Variants in TEX14 observed in about 807,000 individuals in gnomAD.
TEX14 encodes inactive serine/threonine-protein kinase TEX14.
A neutral mutation model predicts 178.6 loss-of-function variants in TEX14; 168 were observed. The observed-to-expected ratio is 0.94, with a 90% CI of 0.83 to 1.07. The LOEUF (loss-of-function observed/expected upper bound fraction) is 1.07, where lower values mean the gene tolerates loss of function less well. Ranked by LOEUF, TEX14 falls within the 50% of genes least tolerant of loss-of-function variation. The pLI, the probability that TEX14 is intolerant of heterozygous loss-of-function variation, is 0.00. For missense variants in TEX14, 1,730 were observed against 1,753.6 expected (o/e 0.99, Z 0.24); for synonymous variants, 626 against 634.1 (o/e 0.99, Z 0.19).
At chr17:58,622,458 C>T (rs1831100460) in intron 4 of TEX14, among the ~76,000 whole-genome samples, 2 of 151,814 alleles carry the variant, frequency 1.3e-5, no homozygotes, top group African/African-American at 2.4e-5. Flanking sequence ...AAAAAATTCC[C>T]ACCTGCCAAA....
intron 2 of TEX14, among the ~76,000 whole-genome samples, chr17:58,648,293 C>T (rs1217871083): frequency 6.6e-6 from 1 of 152,198 alleles, no homozygotes; most frequent in African/African-American, 2.4e-5. Flanking sequence ...CTCTCTTCTG[C>T]TGACTTCTTG....
intron 17 of TEX14, 92 bp downstream of exon 17, chr17:58,587,489 C>A: frequency 2.6e-6 from 2 of 774,450 alleles, no homozygotes; most frequent in Non-Finnish European, 4.1e-6. Flanking sequence ...TCTAAATGTG[C>A]AACACAGGTT....
At chr17:58,625,038 C>T (rs2046102047) in intron 3 of TEX14, among the ~76,000 whole-genome samples, 2 of 152,214 alleles carry the variant, frequency 1.3e-5, no homozygotes, top group African/African-American at 4.8e-5. Flanking sequence ...GAGAAGCAGT[C>T]CAGCACACTG....
chr17:58,569,776 G>A lies in TEX14; in HGVS notation c.3818-516C>T, dbSNP rs1158200505. 6.6e-6 allele frequency among the ~76,000 whole-genome samples: 1 copy of A among 152,102 alleles called. No individual in the cohort carries two copies. The highest frequency in any genetic ancestry group is 1.5e-5 in the Non-Finnish European group (1 of 68,032). On this transcript the variant is annotated intron_variant, in intron 25 of 31. Transcript: ENST00000349033. This position sits in a 1 kb window ranked among gnomAD's most constrained non-coding sequence, Gnocchi z 4.1. ...TTCACAAAATCCCTATCCCCCTGAGGGAAATTCCAAGAGTTATACCAAAGA... is the reference window on the plus strand; with the variant it reads ...TTCACAAAATCCCTATCCCCCTGAGAGAAATTCCAAGAGTTATACCAAAGA...
At chr17:58,683,072 AAAG>A (rs2047527899) in intron 1 of TEX14, among the ~76,000 whole-genome samples, 1 of 151,304 alleles carries the variant, frequency 6.6e-6, no homozygotes, top group Non-Finnish European at 1.5e-5. Flanking sequence ...AAAAAAAAAA[AAAG>A]ACAAAAATGA....
chr17:58,625,903 G>C (rs1046248775), intron 3 of TEX14, among the ~76,000 whole-genome samples: 3 of 151,712 alleles, frequency 2.0e-5, no homozygotes, highest in African/African-American at 7.3e-5. Flanking sequence ...ACCATGGCTG[G>C]CTAATTTTTT....
intron 28 of TEX14, 58 bp downstream of exon 28, chr17:58,564,811 C>A (rs982308249): frequency 2.2e-5 from 24 of 1,077,760 alleles, no homozygotes; most frequent in African/African-American, 6.6e-5. Context: ...TAGAAAAAAA[C>A]CTAACATAAA....
In TEX14 at chr17:58,586,803, G is replaced by A. The variant is rs80266322; in HGVS notation, c.2789-721C>T. Among the ~76,000 whole-genome samples the A allele has an allele frequency of 6.6e-5, 10 of 151,404 alleles. No individual in the cohort carries two copies. In the East Asian group the frequency reaches 1.6e-3, roughly 23 times the overall value. On this transcript the variant is annotated intron_variant, in intron 17 of 31. Transcript: ENST00000349033. ...TGTGTGGCACTTGCATGTTCTCCCCGCATCTGCATGGGTTTTTTCCAGGTA... is the reference window on the plus strand; with the variant it reads ...TGTGTGGCACTTGCATGTTCTCCCCACATCTGCATGGGTTTTTTCCAGGTA...
Position 58,651,897 on chromosome 17 carries a change from G to A in TEX14, c.105C>T (p.Asn35=), listed in dbSNP as rs374879612. 24 of 1,610,402 alleles carry A rather than the reference G, an allele frequency of 1.5e-5. No homozygotes were observed. The highest frequency in any genetic ancestry group is 1.9e-5 in the Non-Finnish European group (22 of 1,179,180). The change falls in exon 2 of 32, where the codon AAC becomes AAT. Residue 35 remains asparagine (N), a synonymous_variant. Transcript: ENST00000349033. ...AQLHEYVKQG[N]YVKVKKILKK... is the part of the protein sequence containing the mutation. Reference sequence around the variant, plus strand: ...TAAGAATTTTCTTCACTTTCACATAGTTCCCTTGTTTGACATACTCATGAA... The same window carrying A: ...TAAGAATTTTCTTCACTTTCACATAATTCCCTTGTTTGACATACTCATGAA...
Position 58,630,559 on chromosome 17 carries a change from A to G in TEX14, c.137-5T>C. Reference sequence around the variant, plus strand: ...TAACTGCATCAACATAAATTCCTGCAAAGGAAATATCAGAATCAATGCAAA... The same window carrying G: ...TAACTGCATCAACATAAATTCCTGCGAAGGAAATATCAGAATCAATGCAAA... On this transcript the variant is annotated splice_polypyrimidine_tract_variant and splice_region_variant and intron_variant, in intron 2 of 31. Coordinates refer to ENST00000349033, the MANE Select transcript of TEX14 (RefSeq NM_031272.5). 1 of 1,600,544 alleles carries G rather than the reference A, an allele frequency of 6.2e-7. No homozygotes were observed. Among genetic ancestry groups the G allele is most frequent in the Non-Finnish European group, 8.6e-7 (1 of 1,167,740 alleles).
chr17:58,622,924 C>T lies in TEX14; in HGVS notation c.340G>A (p.Asp114Asn). 6.2e-7 allele frequency: 1 copy of T among 1,613,302 alleles called. No homozygotes were observed. Among genetic ancestry groups the T allele is most frequent in the Non-Finnish European group, 8.5e-7 (1 of 1,179,312 alleles). ...ILSKLLDAGG[D>N]LRLHDERGQN... ...CCCCTCTCATCGTGGAGTCGCAGGT[C>T]ACCTCCTGCATCCAGCAGTTTGCTA... The change falls in exon 4 of 32, where the codon GAC becomes AAC. Residue 114 changes from aspartate (D) to asparagine (N), a missense_variant. Asp to Asn is a conservative substitution (Grantham distance 23, BLOSUM62 1). Around this residue, in one of 2 missense-constraint regions of TEX14, gnomAD observed 789 missense variants for 681.2 expected, o/e 1.16. Coordinates refer to ENST00000349033, the MANE Select transcript of TEX14 (RefSeq NM_031272.5).
chr17:58,657,713 T>A (rs902081134), intron 1 of TEX14, among the ~76,000 whole-genome samples: 3 of 152,072 alleles, frequency 2.0e-5, no homozygotes, highest in African/African-American at 7.2e-5. Flanking sequence ...CTGTCCTTGT[T>A]CATTCCCGGG....
chr17:58,571,285 G>C (rs1330441799), intron 24 of TEX14, among the ~76,000 whole-genome samples: 27 of 147,272 alleles, frequency 1.8e-4, no homozygotes, highest in Non-Finnish European at 4.5e-5. Flanking sequence ...GCCCAGGCTG[G>C]AGTGTAGTGG....
At chr17:58,641,772 T>A (rs1392489236) in intron 2 of TEX14, among the ~76,000 whole-genome samples, 2 of 152,188 alleles carry the variant, frequency 1.3e-5, no homozygotes, top group African/African-American at 2.4e-5. Context: ...CCTCCCAAAG[T>A]GCTGGGATTA....
intron 26 of TEX14, among the ~76,000 whole-genome samples, chr17:58,567,325 T>C (rs1021843017): frequency 2.6e-5 from 4 of 152,172 alleles, no homozygotes; most frequent in Non-Finnish European, 4.4e-5. Context: ...CCTGAGCTCG[T>C]TGGCATGGTC....
intron 28 of TEX14, among the ~76,000 whole-genome samples, chr17:58,563,919 T>C (rs957438156): frequency 6.7e-6 from 1 of 150,340 alleles, no homozygotes. Context: ...ACATCATTAA[T>C]CATTAGGGAA....
At chr17:58,592,323 G>A (rs2045166689) in intron 15 of TEX14, among the ~76,000 whole-genome samples, 2 of 151,022 alleles carry the variant, frequency 1.3e-5, no homozygotes, top group South Asian at 4.2e-4. Context: ...TCTGCCTCCT[G>A]GGTTCGAGTG....
At chr17:58,577,304 C>A in intron 21 of TEX14, 71 bp downstream of exon 21, 2 of 613,582 alleles carry the variant, frequency 3.3e-6, no homozygotes, top group South Asian at 4.2e-5. Flanking sequence ...AATATATAAA[C>A]ACGGAGCATT....
chr17:58,689,348 G>C (rs995047330), intron 1 of TEX14, among the ~76,000 whole-genome samples: 1 of 152,052 alleles, frequency 6.6e-6, no homozygotes, highest in Non-Finnish European at 1.5e-5. Flanking sequence ...AGCCTCCTAA[G>C]TAGCTGGGAC....
Sources: gnomAD v4.1 joint callset for allele counts (sites outside exome capture counted in the v4.1 genomes callset) on GRCh38, gnomAD v4.1.1 for gene constraint, gnomAD v4.1.1 regional missense constraint, Gnocchi (gnomAD v3.1) non-coding constraint, MANE v1.5 for transcripts, NCBI Gene and HGNC (gene_info 2026-07-23, HGNC 2026-07-21) for gene names.